The following MMS22L variants were observed in gnomAD, a reference collection of about 807,000 sequenced individuals.
The protein encoded by MMS22L is MMS22 like, DNA repair protein, also known as protein MMS22-like.
MMS22L carries 74 observed loss-of-function variants against 159.1 expected under a neutral mutation model. That is an observed-to-expected ratio of 0.47 (90% CI 0.39 to 0.56). The LOEUF is 0.56. Among genes scored for constraint, MMS22L ranks in the 20% least tolerant of loss-of-function variants. MMS22L has a pLI of 0.00. For synonymous variants in MMS22L, 517 were observed against 506.9 expected (o/e 1.02, Z -0.27); for missense variants, 1,351 against 1,422.1 (o/e 0.95, Z 0.80).
chr6:97,282,286 A>T, intron 2 of MMS22L, 28 bp downstream of exon 2: 1 of 1,606,982 alleles, frequency 6.2e-7, no homozygotes, highest in Non-Finnish European at 8.5e-7. Context: ...TAATCAGATG[A>T]GGGAAAATGT....
In MMS22L at chr6:97,151,791, G is replaced by A; in HGVS notation, c.3462C>T (p.Ser1154=). The A allele has an allele frequency of 6.2e-7, 1 of 1,613,524 alleles. No individual in the cohort carries two copies. The highest frequency in any genetic ancestry group is 8.5e-7 in the Non-Finnish European group (1 of 1,179,620). ...CQVGSEEEPS[S]QLTSVFRQFI... Reference sequence around the variant, plus strand: ...GTTACCTAAACACAGAAGTCAGCTGGGAGGAAGGTTCTTCTTCTGACCCCA... The same window carrying A: ...GTTACCTAAACACAGAAGTCAGCTGAGAGGAAGGTTCTTCTTCTGACCCCA... The change falls in exon 23 of 25, where the codon TCC becomes TCT. Residue 1154 remains serine (S), a synonymous_variant. Coordinates refer to ENST00000683635, the MANE Select transcript of MMS22L (RefSeq NM_001350599.2).
At chr6:97,256,043 G>A (rs6924134) in intron 9 of MMS22L, among the ~76,000 whole-genome samples, 3 of 151,772 alleles carry the variant, frequency 2.0e-5, no homozygotes. Flanking sequence ...ACCATTGCAG[G>A]TAATATAATG....
chr6:97,239,503 G>A (rs975631569), intron 11 of MMS22L, among the ~76,000 whole-genome samples: 1 of 152,138 alleles, frequency 6.6e-6, no homozygotes, highest in Non-Finnish European at 1.5e-5. Flanking sequence ...CTGTACTTAA[G>A]TAAGTAAAAT....
chr6:97,200,452 T>TA (rs1166935990), intron 14 of MMS22L, among the ~76,000 whole-genome samples: 1 of 152,146 alleles, frequency 6.6e-6, no homozygotes, highest in African/African-American at 2.4e-5. Context: ...CAAAGGCGTT[T>TA]ATTATAGCAC....
intron 9 of MMS22L, chr6:97,259,910 G>A (rs1291481334): frequency 1.3e-5 from 2 of 152,106 alleles, no homozygotes; most frequent in Non-Finnish European, 2.9e-5. Context: ...TACACATTTA[G>A]AGTAAATTCC....
chr6:97,259,714 T>C (rs1228839728), intron 9 of MMS22L: 9 of 149,674 alleles, frequency 6.0e-5, no homozygotes, highest in African/African-American at 2.2e-4. Context: ...TATATATATA[T>C]CTATATATCC....
chr6:97,231,335 C>T lies in MMS22L; in HGVS notation c.1529+91G>A. On this transcript the variant is annotated intron_variant, in intron 13 of 24. Coordinates refer to ENST00000683635, the MANE Select transcript of MMS22L (RefSeq NM_001350599.2). ...CTAGTAACATTATAACTAATTAAGA[C>T]TCTAATCCCAAGTAAACATAACAAA... 19 of 915,116 alleles carry T rather than the reference C, an allele frequency of 2.1e-5. No homozygotes were observed. In the South Asian group the frequency reaches 2.8e-4, roughly 14 times the overall value. 56.7% of individuals were successfully genotyped at this position (915,116 alleles called of 1,614,324 possible).
intron 19 of MMS22L, among the ~76,000 whole-genome samples, chr6:97,169,919 G>A (rs1474214108): frequency 6.6e-6 from 1 of 152,072 alleles, no homozygotes; most frequent in Non-Finnish European, 1.5e-5. Context: ...AGGGTACCAC[G>A]TGGTATAGTT....
chr6:97,189,337 A>C (rs189748618), intron 14 of MMS22L, among the ~76,000 whole-genome samples: 3 of 151,274 alleles, frequency 2.0e-5, no homozygotes, highest in African/African-American at 7.3e-5. Context: ...AGGTGGGTGG[A>C]TTGCCTGAGC....
At chr6:97,187,437 G>A (rs893859106) in intron 14 of MMS22L, among the ~76,000 whole-genome samples, 4 of 152,150 alleles carry the variant, frequency 2.6e-5, no homozygotes, top group Non-Finnish European at 5.9e-5. Flanking sequence ...ATGTGGAACA[G>A]AAGGCATTTA....
chr6:97,163,782 G>A (rs150515064), intron 21 of MMS22L, among the ~76,000 whole-genome samples: 3 of 152,154 alleles, frequency 2.0e-5, no homozygotes, highest in East Asian at 1.9e-4. Flanking sequence ...TAAAGGATAC[G>A]TGGGATTTAG....
chr6:97,146,561 T>G lies in MMS22L; in HGVS notation c.*245A>C, dbSNP rs1009172372. The G allele has an allele frequency of 4.7e-5, 13 of 275,638 alleles. No homozygotes were observed. Among genetic ancestry groups the G allele is most frequent in the African/African-American group, 2.7e-4 (12 of 45,000 alleles). 17.1% of individuals were successfully genotyped at this position (275,638 alleles called of 1,614,324 possible). A position where few individuals can be genotyped will look rare whatever the true frequency, so the allele number is the denominator to read the frequency against. Reference sequence around the variant, plus strand: ...TCAGAAAATGTTTCTTTAATTTAGTTTAACTAAAATTTCATCAAGGTAGAA... The same window carrying G: ...TCAGAAAATGTTTCTTTAATTTAGTGTAACTAAAATTTCATCAAGGTAGAA... On this transcript the variant is annotated 3_prime_UTR_variant, in exon 25 of 25. Transcript: ENST00000683635.
intron 11 of MMS22L, chr6:97,246,235 T>C: frequency 2.3e-6 from 1 of 427,560 alleles, no homozygotes; most frequent in Non-Finnish European, 4.6e-6. Context: ...GATTCAAGCC[T>C]GTAAGACAAA....
chr6:97,254,471 G>T, intron 10 of MMS22L, 86 bp downstream of exon 10: 1 of 1,073,060 alleles, frequency 9.3e-7, no homozygotes, highest in Non-Finnish European at 1.3e-6. Context: ...GACTTTTCTT[G>T]TTTCTGCTCA....
chr6:97,249,309 T>C (rs1029690036), intron 10 of MMS22L, among the ~76,000 whole-genome samples: 4 of 152,240 alleles, frequency 2.6e-5, no homozygotes, highest in East Asian at 1.9e-4. Flanking sequence ...CTCTGGCCTA[T>C]GCCCTTCTTC....
rs1809334080 is a variant in MMS22L, at chr6:97,219,044, AAC to A, written c.2039+9848_2039+9849del. Reference sequence around the variant, plus strand: ...GTGAGAACTCACTCAATACTACAAGAACAGCATGTGGGAACCACCCCCATGAT... The same window carrying A: ...GTGAGAACTCACTCAATACTACAAGAAGCATGTGGGAACCACCCCCATGAT... On this transcript the variant is annotated intron_variant, in intron 14 of 24. Transcript: ENST00000683635. Among the ~76,000 whole-genome samples, 47 of 152,266 alleles carry A rather than the reference AAC, an allele frequency of 3.1e-4. No individual in the cohort carries two copies. The South Asian group carries it at 8.9e-3, about 29-fold the overall frequency.
chr6:97,207,750 A>G (rs1005832564), intron 14 of MMS22L, among the ~76,000 whole-genome samples: 58 of 152,298 alleles, frequency 3.8e-4, no homozygotes, highest in African/African-American at 1.3e-3. Context: ...AAGGAGTACA[A>G]TTAAGAGGTA....
At chr6:97,159,946 C>CG (rs1194301494) in intron 22 of MMS22L, among the ~76,000 whole-genome samples, 2 of 58,502 alleles carry the variant, frequency 3.4e-5, no homozygotes, top group Non-Finnish European at 6.3e-5. Flanking sequence ...TTTATCATTT[C>CG]TGTTTTTTTT....
At chr6:97,168,636 G>A (rs1562410923) in intron 19 of MMS22L, among the ~76,000 whole-genome samples, 1 of 152,000 alleles carries the variant, frequency 6.6e-6, no homozygotes, top group Non-Finnish European at 1.5e-5. Flanking sequence ...AACTGGTTAA[G>A]TATACTACAA....
Sources: gnomAD v4.1 joint callset for allele counts (sites outside exome capture counted in the v4.1 genomes callset) on GRCh38, gnomAD v4.1.1 for gene constraint, MANE v1.5 for transcripts, NCBI Gene and HGNC (gene_info 2026-07-23, HGNC 2026-07-21) for gene names.